The following USP54 variants were observed in gnomAD, a reference collection of about 807,000 sequenced individuals.
USP54 encodes the protein ubiquitin specific peptidase 54.
USP54 carries 87 observed loss-of-function variants against 170.5 expected under a neutral mutation model. The ratio of observed to expected loss-of-function variants is 0.51; its 90% CI spans 0.43 to 0.61. The LOEUF (loss-of-function observed/expected upper bound fraction) is 0.61. USP54 is among the 20% of genes least tolerant of loss of function. The probability of loss-of-function intolerance (pLI) is 0.00; values close to 1 mark genes in which losing one functional copy is unlikely to be tolerated. For synonymous variants in USP54, 655 were observed against 742.8 expected, an observed-to-expected ratio of 0.88 and a Z score of 1.92; for missense variants, 1,786 against 2,047.8, an observed-to-expected ratio of 0.87 and a Z score of 2.47.
At chr10:73,596,841 T>C (rs771280398) in intron 1 of USP54, among the ~76,000 whole-genome samples, 8 of 151,608 alleles carry the variant, frequency 5.3e-5, no homozygotes, top group Non-Finnish European at 7.4e-5. Context: ...TAACAGGCCA[T>C]AGAGAAGCCA....
At chr10:73,620,247 AG>A (rs1406510686) in intron 1 of USP54, among the ~76,000 whole-genome samples, 1 of 148,954 alleles carries the variant, frequency 6.7e-6, no homozygotes, top group Admixed American at 6.6e-5. Context: ...TGGGAGGCGG[AG>A]GTTGTAGTGA....
At chr10:73,585,497 T>G in intron 1 of USP54, among the ~76,000 whole-genome samples, 1 of 152,148 alleles carries the variant, frequency 6.6e-6, no homozygotes, top group Admixed American at 6.5e-5. Flanking sequence ...TCTCAGGCTC[T>G]CTTAAACAAC....
intron 15 of USP54, 99 bp downstream of exon 15, chr10:73,529,575 AGCAAAG>A (rs1564709469): frequency 3.1e-6 from 4 of 1,272,946 alleles, no homozygotes; most frequent in Non-Finnish European, 4.6e-6. Context: ...TAGAGATAAT[AGCAAAG>A]GCCATCCCTC....
At chr10:73,620,831 C>A (rs1342954953) in intron 1 of USP54, among the ~76,000 whole-genome samples, 1 of 149,790 alleles carries the variant, frequency 6.7e-6, no homozygotes, top group Non-Finnish European at 1.5e-5. Flanking sequence ...CCCAGCTACT[C>A]CGGAGGCTGA....
chr10:73,545,471 C>A (rs191304132), intron 5 of USP54, 67 bp downstream of exon 5: 164 of 1,578,672 alleles, frequency 1.0e-4, no homozygotes, highest in Admixed American at 4.6e-4. Context: ...CATAAAGTAG[C>A]CAGTCCCTGA....
intron 12 of USP54, among the ~76,000 whole-genome samples, chr10:73,534,332 G>A (rs1465105142): frequency 1.3e-5 from 2 of 151,720 alleles, no homozygotes; most frequent in African/African-American, 2.4e-5. Flanking sequence ...TCAGCCTCCC[G>A]AGTAGGTAGG....
chr10:73,553,949 G>C (rs1461502116), intron 4 of USP54, among the ~76,000 whole-genome samples: 1 of 152,134 alleles, frequency 6.6e-6, no homozygotes, highest in Non-Finnish European at 1.5e-5. Context: ...CTATCCACAT[G>C]AGCACATAAT....
intron 19 of USP54, among the ~76,000 whole-genome samples, chr10:73,518,538 T>C (rs1481120995): frequency 1.3e-5 from 2 of 152,142 alleles, no homozygotes; most frequent in African/African-American, 2.4e-5. Context: ...AAATTGCTTA[T>C]ATTCAAAACA....
chr10:73,571,062 C>T (rs967151419), intron 4 of USP54, among the ~76,000 whole-genome samples: 1 of 145,012 alleles, frequency 6.9e-6, no homozygotes, highest in Non-Finnish European at 1.5e-5. Flanking sequence ...TGCTGGAACC[C>T]AGGAGGCGGA....
intron 5 of USP54, among the ~76,000 whole-genome samples, chr10:73,545,322 T>C (rs554735351): frequency 1.6e-4 from 25 of 152,300 alleles, no homozygotes; most frequent in African/African-American, 5.5e-4. Flanking sequence ...GCTGATGTTT[T>C]ATGCAATGAC....
At chr10:73,571,137 CAAAAAAAAA>C (rs59126730) in intron 4 of USP54, among the ~76,000 whole-genome samples, 5 of 44,322 alleles carry the variant, frequency 1.1e-4, no homozygotes, top group African/African-American at 1.6e-4. Context: ...GACTTCATCC[CAAAAAAAAA>C]AAAAAAAAAA....
chr10:73,553,527 A>C (rs1473063060), intron 4 of USP54, among the ~76,000 whole-genome samples: 6 of 152,000 alleles, frequency 3.9e-5, no homozygotes, highest in Non-Finnish European at 2.9e-5. Flanking sequence ...CCCTCCTCCC[A>C]CCTTTCCCAG....
At chr10:73,529,422 C>A in intron 15 of USP54, 1 of 480,930 alleles carries the variant, frequency 2.1e-6, no homozygotes, top group Non-Finnish European at 3.8e-6. Context: ...AACAAACCTG[C>A]ACATATGCCC....
chr10:73,576,162 C>T lies in USP54; in HGVS notation c.-382G>A, dbSNP rs1041069870. The T allele has an allele frequency of 1.1e-4, 17 of 152,230 alleles. No individual in the cohort carries two copies. The highest frequency in any genetic ancestry group is 3.6e-4 in the African/African-American group (15 of 41,456). 9.4% of individuals were successfully genotyped at this position (152,230 alleles called of 1,614,324 possible). A position where few individuals can be genotyped will look rare whatever the true frequency, so the allele number is the denominator to read the frequency against. ...CTCTATTGCCTTGTCTCATCATCCT[C>T]TGAAGCAAAAACTCAAATTCTGAGC... On this transcript the variant is annotated 5_prime_UTR_variant, in exon 2 of 24. Coordinates refer to ENST00000687698, the MANE Select transcript of USP54 (RefSeq NM_001391956.1).
rs577273089 is a variant in USP54, at chr10:73,514,726, T to C, written c.4051+1649A>G. ...TGTAAAATCTACATTAGGATACGGA[T>C]CCTCAGAAATGTATCTTAATATCAA... On this transcript the variant is annotated intron_variant, in intron 20 of 23. Transcript: ENST00000687698. Among the ~76,000 whole-genome samples the C allele has an allele frequency of 4.6e-5, 7 of 151,846 alleles. No homozygotes were observed. The South Asian group carries it at 1.5e-3, about 32-fold the overall frequency.
intron 18 of USP54, among the ~76,000 whole-genome samples, chr10:73,520,523 A>G (rs1232816579): frequency 6.6e-6 from 1 of 152,258 alleles, no homozygotes; most frequent in East Asian, 1.9e-4. Context: ...ACTGAATTAA[A>G]AAGTCACAGG....
At chr10:73,607,338 A>G (rs59067315) in intron 1 of USP54, among the ~76,000 whole-genome samples, 9,548 of 40,812 alleles carry the variant, frequency 0.23, 493 homozygotes, top group African/African-American at 0.49. Context: ...AAAAAAAAAG[A>G]AAAAAAAAAA....
rs1361301980 is a variant in USP54, at chr10:73,523,768, G to A, written c.2195-18C>T. ...CTCCTCACCTGTAATATAAGCAAGG[G>A]AGAAGTCACCACATTTCCATTACCA... On this transcript the variant is annotated intron_variant, in intron 16 of 23. Transcript: ENST00000687698. 1 of 1,597,850 alleles carries A rather than the reference G, an allele frequency of 6.3e-7. No individual in the cohort carries two copies. Among genetic ancestry groups the A allele is most frequent in the Non-Finnish European group, 8.6e-7 (1 of 1,169,564 alleles).
At position 73,530,826 on chromosome 10, in the gene USP54, G is replaced by C. The variant is rs1480554411; in HGVS notation, c.1325C>G (p.Thr442Ser). ...SQSSRDTGHL[T>S]DSECNQKHTS... ...GTGTTTCTGATTACATTCACTATCA[G>C]TCAGGTGTCCTGAAAAAACAAGGAA... Residue 442 changes from threonine (T) to serine (S), a missense_variant, in exon 13 of 24, where the codon ACT (threonine) becomes AGT (serine). Physicochemically the swap from Thr to Ser is moderately conservative, Grantham distance 58. Coordinates refer to ENST00000687698, the MANE Select transcript of USP54 (RefSeq NM_001391956.1). 1.2e-6 allele frequency: 2 copies of C among 1,613,848 alleles called. No individual in the cohort carries two copies. Among genetic ancestry groups the C allele is most frequent in the East Asian group, 4.5e-5 (2 of 44,892 alleles).
Sources: gnomAD v4.1 joint callset for allele counts (sites outside exome capture counted in the v4.1 genomes callset) on GRCh38, gnomAD v4.1.1 for gene constraint, MANE v1.5 for transcripts, NCBI Gene and HGNC (gene_info 2026-07-23, HGNC 2026-07-21) for gene names.